Variants in RASGEF1A observed in about 807,000 individuals in gnomAD.
RASGEF1A encodes ras-GEF domain-containing family member 1A.
RASGEF1A carries 18 observed loss-of-function variants against 56.4 expected under a neutral mutation model. The ratio of observed to expected loss-of-function variants is 0.32; its 90% confidence interval spans 0.22 to 0.47. RASGEF1A has a LOEUF of 0.47. Ranked by LOEUF, RASGEF1A falls within the 20% of genes least tolerant of loss-of-function variation. The probability of loss-of-function intolerance (pLI) is 1.00; values close to 1 mark genes in which losing one functional copy is unlikely to be tolerated. For synonymous variants in RASGEF1A, 245 were observed against 242.6 expected (o/e 1.01, Z -0.09); for missense variants, 422 against 627.1 (o/e 0.67, Z 3.49).
chr10:43,229,793 C>CCTGCCGCT, intron 1 of RASGEF1A: 1 of 1,244,966 alleles, frequency 8.0e-7, no homozygotes, highest in Non-Finnish European at 1.0e-6. Flanking sequence ...GGTGGGACCC[C>CCTGCCGCT]GGAAGCAGGG....
intron 1 of RASGEF1A, among the ~76,000 whole-genome samples, chr10:43,265,496 C>G (rs191960225): frequency 6.6e-6 from 1 of 152,272 alleles, no homozygotes; most frequent in Non-Finnish European, 1.5e-5. Context: ...CACACACTGG[C>G]TGGAGGGGCA....
At chr10:43,214,662 G>A (rs1167631104) in intron 1 of RASGEF1A, among the ~76,000 whole-genome samples, 1 of 152,208 alleles carries the variant, frequency 6.6e-6, no homozygotes, top group Non-Finnish European at 1.5e-5. Context: ...AACTCCAAAG[G>A]GAAGAGCAGT....
intron 1 of RASGEF1A, chr10:43,208,742 G>A (rs184386105): frequency 1.9e-5 from 19 of 985,476 alleles, no homozygotes; most frequent in Middle Eastern, 5.2e-4. Context: ...GATGCCCCAT[G>A]AGCCCCTACC....
At position 43,201,959 on chromosome 10, in the gene RASGEF1A, G is replaced by A. The variant is rs752732755; in HGVS notation, c.322-14C>T. On this transcript the variant is annotated splice_polypyrimidine_tract_variant and intron_variant, in intron 3 of 12. Transcript: ENST00000395810. ...CTTCAGCTTGGCCTGGGGCAGCAGG[G>A]GATACAGAGTAAGGCCCCACAGGGC... 9 of 1,598,476 alleles carry A rather than the reference G, an allele frequency of 5.6e-6. No homozygotes were observed. The South Asian group carries it at 1.0e-4, about 18-fold the overall frequency.
Position 43,197,109 on chromosome 10 carries a change from G to A in RASGEF1A, c.1225-10C>T. ...AGATCTCCCAGAATTTCTGAAGGGAGCAAAACCAACTGATGTTCATCTGTC... is the reference window on the plus strand; with the variant it reads ...AGATCTCCCAGAATTTCTGAAGGGAACAAAACCAACTGATGTTCATCTGTC... On this transcript the variant is annotated splice_polypyrimidine_tract_variant and intron_variant, in intron 10 of 12. Transcript: ENST00000395810. The A allele has an allele frequency of 6.2e-7, 1 of 1,613,158 alleles. No individual in the cohort carries two copies. The highest frequency in any genetic ancestry group is 8.5e-7 in the Non-Finnish European group (1 of 1,179,602).
intron 1 of RASGEF1A, among the ~76,000 whole-genome samples, chr10:43,266,166 G>A (rs1836619277): frequency 6.6e-6 from 1 of 152,210 alleles, no homozygotes; most frequent in African/African-American, 2.4e-5. Context: ...ACACACAGCA[G>A]GGGACTCCCG....
At chr10:43,228,249 A>T (rs909429219) in intron 1 of RASGEF1A, among the ~76,000 whole-genome samples, 3 of 151,682 alleles carry the variant, frequency 2.0e-5, no homozygotes, top group African/African-American at 7.3e-5. Context: ...CCCCCCGCAT[A>T]GCTCCCTCCC....
intron 6 of RASGEF1A, 90 bp from the exon 7 acceptor site, chr10:43,199,858 C>T (rs1239833766): frequency 9.3e-7 from 1 of 1,071,966 alleles, no homozygotes; most frequent in South Asian, 1.3e-5. Context: ...CCAGCTATGG[C>T]TCAGCCTGCA....
chr10:43,215,048 G>A (rs575095377), intron 1 of RASGEF1A, among the ~76,000 whole-genome samples: 130 of 152,300 alleles, frequency 8.5e-4, no homozygotes, highest in African/African-American at 2.9e-3. Flanking sequence ...TCAAGTGCAG[G>A]CTGAAGCCCT....
intron 1 of RASGEF1A, among the ~76,000 whole-genome samples, chr10:43,221,995 T>C (rs1363971441): frequency 1.3e-5 from 2 of 152,186 alleles, no homozygotes; most frequent in Non-Finnish European, 2.9e-5. Flanking sequence ...TCCTGAGAAA[T>C]GCATCTTAGG....
chr10:43,225,261 G>A (rs1840261224), intron 1 of RASGEF1A, among the ~76,000 whole-genome samples: 1 of 95,930 alleles, frequency 1.0e-5, no homozygotes, highest in African/African-American at 4.1e-5. Context: ...GGTCTGTGGG[G>A]GGGGGGTCTC....
At chr10:43,229,677 C>A in intron 1 of RASGEF1A, 1 of 1,474,726 alleles carries the variant, frequency 6.8e-7, no homozygotes, top group Non-Finnish European at 9.0e-7. Context: ...CTCCCCGCGC[C>A]GTCCTGCCCG....
At chr10:43,252,919 C>A (rs992396890) in intron 1 of RASGEF1A, among the ~76,000 whole-genome samples, 1 of 152,146 alleles carries the variant, frequency 6.6e-6, no homozygotes, top group Non-Finnish European at 1.5e-5. Flanking sequence ...ATCGTCCGCA[C>A]CCCACTGGAA....
chr10:43,208,313 C>G (rs35541533), intron 1 of RASGEF1A: 21,099 of 985,782 alleles, frequency 0.021, 276 homozygotes, highest in Middle Eastern at 0.036. Context: ...GGGGGATGCA[C>G]TCTGACACCC....
At chr10:43,250,400 C>T (rs188014390) in intron 1 of RASGEF1A, among the ~76,000 whole-genome samples, 5 of 152,328 alleles carry the variant, frequency 3.3e-5, no homozygotes, top group African/African-American at 1.2e-4. Flanking sequence ...AGGACACAGT[C>T]GTCCCAGCTG....
chr10:43,206,152 T>A (rs1276675086), intron 1 of RASGEF1A, 30 bp from the exon 2 acceptor site: 4 of 1,529,886 alleles, frequency 2.6e-6, no homozygotes, highest in Middle Eastern at 4.4e-4. Flanking sequence ...ACATGAGGCA[T>A]CAAAGGCGCC....
intron 1 of RASGEF1A, among the ~76,000 whole-genome samples, chr10:43,255,418 A>G (rs1840677474): frequency 6.6e-6 from 1 of 152,158 alleles, no homozygotes; most frequent in Non-Finnish European, 1.5e-5. Flanking sequence ...ACCCAGCCCC[A>G]GGGCTGCACC....
At chr10:43,215,918 C>A (rs1327954303) in intron 1 of RASGEF1A, among the ~76,000 whole-genome samples, 1 of 152,168 alleles carries the variant, frequency 6.6e-6, no homozygotes, top group African/African-American at 2.4e-5. Context: ...GGAGGTGAGG[C>A]CTCAGCCGAC....
At chr10:43,206,264 C>T (rs1215823587) in intron 1 of RASGEF1A, 142 bp from the exon 2 acceptor site, 2 of 711,326 alleles carry the variant, frequency 2.8e-6, no homozygotes, top group Non-Finnish European at 4.6e-6. Context: ...AGGGCACCCC[C>T]ATTCCAGGGC....
Sources: allele counts gnomAD v4.1 joint callset (sites outside exome capture counted in the v4.1 genomes callset), GRCh38; gene constraint gnomAD v4.1.1; transcripts MANE v1.5; gene names NCBI Gene and HGNC (gene_info 2026-07-23, HGNC 2026-07-21).